The following CRYBG1 variants were observed in gnomAD, a reference collection of about 807,000 sequenced individuals.
CRYBG1 encodes crystallin beta-gamma domain containing 1.
CRYBG1 carries 139 observed loss-of-function variants against 189.2 expected under a neutral mutation model. The observed-to-expected ratio is 0.73, with a 90% CI of 0.64 to 0.85. The LOEUF is 0.85. CRYBG1 is among the 40% of genes least tolerant of loss of function. The pLI, the probability that CRYBG1 is intolerant of heterozygous loss-of-function variation, is 0.00. For synonymous variants in CRYBG1, 1,023 were observed against 1,017.1 expected (o/e 1.01, Z -0.11); for missense variants, 2,611 against 2,675.8 (o/e 0.98, Z 0.53).
chr6:106,480,428 G>A (rs1386062747), intron 2 of CRYBG1, among the ~76,000 whole-genome samples: 1 of 151,688 alleles, frequency 6.6e-6, no homozygotes, highest in Non-Finnish European at 1.5e-5. Flanking sequence ...ACTTTGGGAG[G>A]CCGAGGCAGG....
intron 2 of CRYBG1, among the ~76,000 whole-genome samples, chr6:106,475,553 G>A (rs1023661416): frequency 4.6e-5 from 7 of 152,166 alleles, no homozygotes; most frequent in South Asian, 2.1e-4. Flanking sequence ...CAAGCACTAC[G>A]TGTGTTTGGG....
chr6:106,379,916 G>A (rs956562529), intron 1 of CRYBG1, among the ~76,000 whole-genome samples: 2 of 152,144 alleles, frequency 1.3e-5, no homozygotes, highest in African/African-American at 4.8e-5. Flanking sequence ...ACACTAAGGT[G>A]AACATTACAA....
intron 1 of CRYBG1, among the ~76,000 whole-genome samples, chr6:106,415,707 C>T (rs1370971966): frequency 6.6e-6 from 1 of 151,582 alleles, no homozygotes; most frequent in Non-Finnish European, 1.5e-5. Context: ...GCCTGGGTGA[C>T]AGAGTGAGAC....
At chr6:106,543,416 T>C in intron 10 of CRYBG1, 24 bp from the exon 11 acceptor site, 2 of 1,585,528 alleles carry the variant, frequency 1.3e-6, no homozygotes, top group Non-Finnish European at 1.7e-6. Flanking sequence ...TACAGATTAC[T>C]GGTATATCTC....
chr6:106,472,894 ACT>A (rs1772263199), intron 2 of CRYBG1, among the ~76,000 whole-genome samples: 2 of 143,276 alleles, frequency 1.4e-5, no homozygotes, highest in Admixed American at 7.1e-5. Context: ...ACAGAATAAG[ACT>A]CTGTCTCAAA....
In CRYBG1 at chr6:106,558,613, T is replaced by C. The variant is rs371645940; in HGVS notation, c.5843T>C (p.Val1948Ala). The change falls in exon 18 of 22, where the codon GTT becomes GCT. Residue 1948 changes from valine to alanine, a missense_variant. Physicochemically the swap from Val to Ala is moderately conservative, Grantham distance 64. Around this residue, in one of 3 missense-constraint regions of CRYBG1, gnomAD observed 1,622 missense variants for 1,735.0 expected, o/e 0.93. Transcript: ENST00000633556. ...AACACACAAATACGCTCTGTTCAGGTTATTGGTGGCATGTGAGTTACCTAC... is the reference window on the plus strand; with the variant it reads ...AACACACAAATACGCTCTGTTCAGGCTATTGGTGGCATGTGAGTTACCTAC... ...GFNTQIRSVQ[V>A]IGGIWVTYEY... The C allele has an allele frequency of 6.2e-7, 1 of 1,601,278 alleles. No homozygotes were observed. The highest frequency in any genetic ancestry group is 8.5e-7 in the Non-Finnish European group (1 of 1,176,136).
chr6:106,401,822 T>A (rs1331066757), intron 1 of CRYBG1, among the ~76,000 whole-genome samples: 1 of 141,978 alleles, frequency 7.0e-6, no homozygotes, highest in African/African-American at 2.7e-5. Flanking sequence ...GACATTTGGG[T>A]TGGTTCCAAG....
intron 1 of CRYBG1, among the ~76,000 whole-genome samples, chr6:106,400,230 T>G (rs1220892869): frequency 1.3e-5 from 2 of 151,904 alleles, no homozygotes; most frequent in Non-Finnish European, 2.9e-5. Flanking sequence ...TGCTCCCACC[T>G]TGGCCTTCCA....
chr6:106,537,163 A>T (rs1774022987), intron 8 of CRYBG1, among the ~76,000 whole-genome samples: 1 of 152,212 alleles, frequency 6.6e-6, no homozygotes, highest in Non-Finnish European at 1.5e-5. Flanking sequence ...CAGAAGTGAA[A>T]TGTTTAGTAT....
intron 20 of CRYBG1, among the ~76,000 whole-genome samples, chr6:106,562,731 C>T (rs1412147079): frequency 1.3e-5 from 2 of 152,258 alleles, no homozygotes; most frequent in African/African-American, 2.4e-5. Context: ...TCGTGATCCA[C>T]CTGCCTTGGC....
At chr6:106,389,610 A>C (rs1223796292) in intron 1 of CRYBG1, among the ~76,000 whole-genome samples, 1 of 152,124 alleles carries the variant, frequency 6.6e-6, no homozygotes, top group Non-Finnish European at 1.5e-5. Context: ...TTAGAAAAAT[A>C]GCAATTTTTT....
At chr6:106,510,082 G>T (rs1013957887) in intron 2 of CRYBG1, among the ~76,000 whole-genome samples, 2 of 152,218 alleles carry the variant, frequency 1.3e-5, no homozygotes, top group African/African-American at 4.8e-5. Context: ...GTACTGTCCT[G>T]AATGTTCCTT....
At chr6:106,538,119 C>T (rs959745049) in intron 8 of CRYBG1, among the ~76,000 whole-genome samples, 4 of 151,826 alleles carry the variant, frequency 2.6e-5, no homozygotes, top group East Asian at 1.9e-4. Context: ...CAAAACTAAC[C>T]GAATTGATGA....
intron 1 of CRYBG1, among the ~76,000 whole-genome samples, chr6:106,370,265 G>GA (rs1012142489): frequency 6.6e-6 from 1 of 152,194 alleles, no homozygotes; most frequent in Non-Finnish European, 1.5e-5. Flanking sequence ...AGCTGTGTCA[G>GA]AAAAAAGCAT....
At chr6:106,455,570 A>T (rs189519661) in intron 2 of CRYBG1, among the ~76,000 whole-genome samples, 13 of 152,048 alleles carry the variant, frequency 8.5e-5, no homozygotes, top group Non-Finnish European at 1.5e-4. Flanking sequence ...ACTTGCCTTA[A>T]TGAGAATTTC....
chr6:106,557,564 C>T (rs536636501), intron 17 of CRYBG1, among the ~76,000 whole-genome samples: 50 of 152,282 alleles, frequency 3.3e-4, no homozygotes, highest in African/African-American at 1.2e-3. Context: ...GCATGCACCA[C>T]CATGCCCGGC....
At chr6:106,446,253 T>C (rs965911332) in intron 1 of CRYBG1, among the ~76,000 whole-genome samples, 1 of 152,214 alleles carries the variant, frequency 6.6e-6, no homozygotes, top group African/African-American at 2.4e-5. Flanking sequence ...ATTAGTGCCA[T>C]TTGTTAGTGA....
intron 2 of CRYBG1, among the ~76,000 whole-genome samples, chr6:106,470,621 C>T (rs1772213606): frequency 6.6e-6 from 1 of 151,986 alleles, no homozygotes; most frequent in Non-Finnish European, 1.5e-5. Context: ...AAAGATGAGT[C>T]TAGAGCAGGA....
At chr6:106,497,098 T>A (rs1403666872) in intron 2 of CRYBG1, among the ~76,000 whole-genome samples, 1 of 152,026 alleles carries the variant, frequency 6.6e-6, no homozygotes, top group Non-Finnish European at 1.5e-5. Flanking sequence ...GAGCAGGAAA[T>A]TTCTCACCAT....
Sources: allele counts gnomAD v4.1 joint callset (sites outside exome capture counted in the v4.1 genomes callset), GRCh38; gene constraint gnomAD v4.1.1; regional missense constraint gnomAD v4.1.1; transcripts MANE v1.5; gene names NCBI Gene and HGNC (gene_info 2026-07-23, HGNC 2026-07-21).